SPECC1: variants seen among roughly 807,000 people sequenced by gnomAD.
SPECC1 encodes cytospin-B.
Under a neutral mutation model 104.1 loss-of-function variants are expected in SPECC1, and 62 were observed. The ratio of observed to expected loss-of-function variants is 0.60; its 90% CI spans 0.49 to 0.74. SPECC1 has a LOEUF of 0.74. SPECC1 is among the 30% of genes least tolerant of loss of function. The pLI is 0.00. For missense variants in SPECC1, 1,306 were observed against 1,310.5 expected (o/e 1.00, Z 0.05); for synonymous variants, 513 against 501.6 (o/e 1.02, Z -0.30).
chr17:20,155,810 C>A, intron 3 of SPECC1: 1 of 613,704 alleles, frequency 1.6e-6, no homozygotes, highest in Non-Finnish European at 2.1e-6. Flanking sequence ...AGGCCTGCAG[C>A]CGGTCAGCCG....
At chr17:20,176,152 C>A (rs2034458683) in intron 3 of SPECC1, among the ~76,000 whole-genome samples, 1 of 152,264 alleles carries the variant, frequency 6.6e-6, no homozygotes, top group South Asian at 2.1e-4. Flanking sequence ...TTGCTACATT[C>A]CCCTCCTGTG....
intron 7 of SPECC1, chr17:20,238,134 C>T (rs1317585857): frequency 2.1e-5 from 22 of 1,030,096 alleles, no homozygotes; most frequent in Admixed American, 5.7e-5. Context: ...GGGTTGATTT[C>T]CAGAATCTTG....
intron 3 of SPECC1, among the ~76,000 whole-genome samples, chr17:20,125,216 T>A (rs2049239345): frequency 6.9e-6 from 1 of 145,532 alleles, no homozygotes; most frequent in Non-Finnish European, 1.5e-5. Flanking sequence ...AACAAAAAAA[T>A]TGCAGTTACT....
rs2048458013 is a variant in SPECC1, at chr17:20,110,881, G to A, written c.283+319G>A. Among the ~76,000 whole-genome samples, 4 of 152,106 alleles carry A rather than the reference G, an allele frequency of 2.6e-5. No individual in the cohort carries two copies. In the South Asian group the frequency reaches 8.3e-4, roughly 32 times the overall value. ...GCGGCATATGTTCTGGGGCTGTCTT[G>A]ATACAGAATGCATTAGAGGAATGAA... is the stretch of plus-strand genomic sequence containing the variant. On this transcript the variant is annotated intron_variant, in intron 3 of 14. Coordinates refer to ENST00000395527, the MANE Select transcript of SPECC1 (RefSeq NM_001243439.2).
chr17:20,238,221 A>G lies in SPECC1; in HGVS notation c.2351+5816A>G, dbSNP rs1051363098. 4 of 1,039,752 alleles carry G rather than the reference A, an allele frequency of 3.8e-6. No individual in the cohort carries two copies. The African/African-American group carries it at 5.0e-5, about 13-fold the overall frequency. The allele number at this position is 1,039,752 out of a possible 1,614,324, so 64.4% of individuals were successfully genotyped here. On this transcript the variant is annotated intron_variant, in intron 7 of 14. Coordinates refer to ENST00000395527, the MANE Select transcript of SPECC1 (RefSeq NM_001243439.2). Reference sequence around the variant, plus strand: ...ATAGGTAAGCACGGTGACAATGGCAATAGAAATCTAATGGAAAACGATTGA... The same window carrying G: ...ATAGGTAAGCACGGTGACAATGGCAGTAGAAATCTAATGGAAAACGATTGA...
intron 3 of SPECC1, among the ~76,000 whole-genome samples, chr17:20,174,694 T>C (rs2151196018): frequency 6.6e-6 from 1 of 152,090 alleles, no homozygotes; most frequent in Non-Finnish European, 1.5e-5. Flanking sequence ...CCTTTATACA[T>C]CTCAAACACT....
chr17:20,276,236 C>T (rs2040572363), intron 12 of SPECC1, among the ~76,000 whole-genome samples: 1 of 152,086 alleles, frequency 6.6e-6, no homozygotes, highest in Non-Finnish European at 1.5e-5. Context: ...CTTTTCTTAG[C>T]CTCCTAAGTA....
intron 7 of SPECC1, among the ~76,000 whole-genome samples, chr17:20,236,068 G>A (rs747841250): frequency 1.3e-5 from 2 of 152,174 alleles, no homozygotes; most frequent in East Asian, 1.9e-4. Flanking sequence ...GGGGAGGGGC[G>A]GAAGTTGGAG....
At chr17:20,274,409 T>G (rs2040506789) in intron 12 of SPECC1, among the ~76,000 whole-genome samples, 1 of 152,220 alleles carries the variant, frequency 6.6e-6, no homozygotes, top group Non-Finnish European at 1.5e-5. Context: ...TTTGATGAAT[T>G]TAATGCCCTG....
intron 1 of SPECC1, chr17:20,010,136 T>C (rs1230980480): frequency 2.0e-5 from 3 of 149,898 alleles, no homozygotes; most frequent in Admixed American, 6.6e-5. Context: ...ATTAGTGTTA[T>C]GTGCTTGCTT....
At chr17:20,250,949 A>G (rs2039603178) in intron 9 of SPECC1, among the ~76,000 whole-genome samples, 1 of 152,138 alleles carries the variant, frequency 6.6e-6, no homozygotes, top group Non-Finnish European at 1.5e-5. Flanking sequence ...ATGGTTGGCC[A>G]GGTACAATGG....
At chr17:20,023,732 A>G (rs1373971384) in intron 1 of SPECC1, among the ~76,000 whole-genome samples, 1 of 152,132 alleles carries the variant, frequency 6.6e-6, no homozygotes, top group Non-Finnish European at 1.5e-5. Flanking sequence ...TAAAAAATCC[A>G]CACGTGGAAT....
intron 4 of SPECC1, among the ~76,000 whole-genome samples, chr17:20,210,804 C>T (rs987868098): frequency 6.6e-5 from 10 of 152,206 alleles, no homozygotes; most frequent in Non-Finnish European, 1.2e-4. Flanking sequence ...CACACCTCCA[C>T]TTGCAGTCCC....
intron 7 of SPECC1, chr17:20,239,205 G>C (rs1026835178): frequency 9.8e-7 from 1 of 1,018,812 alleles, no homozygotes; most frequent in African/African-American, 1.7e-5. Context: ...AATATGAATA[G>C]ATTGATGATT....
chr17:20,128,188 C>CT (rs1484354766), intron 3 of SPECC1, among the ~76,000 whole-genome samples: 1 of 152,196 alleles, frequency 6.6e-6, no homozygotes, highest in Non-Finnish European at 1.5e-5. Flanking sequence ...ACAAATGAGA[C>CT]TGACTCATGG....
rs189206943 is a variant in SPECC1 at position 20,103,577 on chromosome 17, C to T, written c.147+6779C>T. 1.8e-4 allele frequency among the ~76,000 whole-genome samples: 27 copies of T among 152,220 alleles called. 1 individual carries two copies. The East Asian group carries it at 5.0e-3, about 28-fold the overall frequency. On this transcript the variant is annotated intron_variant, in intron 2 of 14. Transcript: ENST00000395527. ...GACAGGAATGGAGAAGCCACAAGCC[C>T]GACAGAAGCAGCCCTGGCAAAGTGA...
Position 20,205,093 on chromosome 17 carries a change from C to A in SPECC1, c.1044C>A (p.Asn348Lys), listed in dbSNP as rs774594977. 6.2e-7 allele frequency: 1 copy of A among 1,614,164 alleles called. No individual in the cohort carries two copies. The highest frequency in any genetic ancestry group is 8.5e-7 in the Non-Finnish European group (1 of 1,180,024). ...TPSRPLSSTS[N>K]PFKSSKCSTA... ...CAAGGCCCCTGTCCTCCACCAGTAA[C>A]CCCTTTAAGAGTTCAAAGTGTTCTA... is the stretch of plus-strand genomic sequence containing the variant. The change falls in exon 4 of 15, where the codon AAC becomes AAA. Residue 348 changes from asparagine to lysine, a missense_variant. This residue lies in a region of SPECC1 where 1,177 missense variants were observed against 1,139.9 expected (regional missense o/e 1.03). Transcript: ENST00000395527.
intron 3 of SPECC1, among the ~76,000 whole-genome samples, chr17:20,164,310 C>T (rs900432103): frequency 1.2e-4 from 18 of 151,976 alleles, no homozygotes; most frequent in Non-Finnish European, 7.4e-5. Flanking sequence ...ACAGGCAGTG[C>T]CACCATGCCC....
chr17:20,131,685 T>G (rs2049643472), intron 3 of SPECC1, among the ~76,000 whole-genome samples: 2 of 149,454 alleles, frequency 1.3e-5, no homozygotes, highest in Non-Finnish European at 3.0e-5. Flanking sequence ...AGTCTCACTC[T>G]GTCACCCAGG....
Sources: allele counts gnomAD v4.1 joint callset (sites outside exome capture counted in the v4.1 genomes callset), GRCh38; gene constraint gnomAD v4.1.1; regional missense constraint gnomAD v4.1.1; transcripts MANE v1.5; gene names NCBI Gene and HGNC (gene_info 2026-07-23, HGNC 2026-07-21).